NAT10: variants seen among roughly 807,000 people sequenced by gnomAD.
NAT10 encodes the protein RNA cytidine acetyltransferase.
Under a neutral mutation model 132.2 loss-of-function variants are expected in NAT10, and 109 were observed. That is an observed-to-expected ratio of 0.82 (90% CI 0.71 to 0.97). NAT10 has a LOEUF of 0.97. Ranked by LOEUF, NAT10 falls within the 50% of genes least tolerant of loss-of-function variation. NAT10 has a pLI of 0.00. For synonymous variants in NAT10, 479 were observed against 478.0 expected, an observed-to-expected ratio of 1.00 and a Z score of -0.03; for missense variants, 1,184 against 1,263.4, an observed-to-expected ratio of 0.94 and a Z score of 0.95.
intron 8 of NAT10, among the ~76,000 whole-genome samples, 170 bp from the exon 9 acceptor site, chr11:34,122,289 A>G (rs1467265439): frequency 6.6e-6 from 1 of 150,924 alleles, no homozygotes; most frequent in African/African-American, 2.4e-5. Flanking sequence ...CTGAAATGAG[A>G]TGACCAAGGG....
intron 3 of NAT10, 36 bp downstream of exon 3, chr11:34,108,869 C>T (rs564131534): frequency 3.9e-6 from 6 of 1,555,734 alleles, no homozygotes; most frequent in African/African-American, 2.8e-5. Flanking sequence ...ATCCAACTTA[C>T]AATTCCTGCT....
intron 27 of NAT10, among the ~76,000 whole-genome samples, chr11:34,142,587 A>T (rs568839170): frequency 8.9e-4 from 136 of 152,308 alleles, no homozygotes; most frequent in African/African-American, 3.2e-3. Flanking sequence ...CTGATCCCCA[A>T]GGCTCCAGGT....
intron 16 of NAT10, 94 bp from the exon 17 acceptor site, chr11:34,134,225 C>A: frequency 9.4e-7 from 1 of 1,066,474 alleles, no homozygotes; most frequent in Non-Finnish European, 1.5e-6. Context: ...GGGGTGGAAA[C>A]AACTGGCCTA....
At chr11:34,121,104 C>T (rs192936123) in intron 8 of NAT10, among the ~76,000 whole-genome samples, 310 of 152,244 alleles carry the variant, frequency 2.0e-3, no homozygotes, top group Middle Eastern at 6.8e-3. Flanking sequence ...AGGGCTTTCA[C>T]ACTTACTCTA....
In NAT10 at chr11:34,118,599, C is replaced by T. The variant is rs896540850; in HGVS notation, c.780+96C>T. The T allele has an allele frequency of 6.5e-6, 6 of 922,722 alleles. No homozygotes were observed. The African/African-American group carries it at 8.3e-5, about 13-fold the overall frequency. The allele number at this position is 922,722 out of a possible 1,614,324, so 57.2% of individuals were successfully genotyped here. A position where few individuals can be genotyped will look rare whatever the true frequency, so the allele number is the denominator to read the frequency against. The stretch of plus-strand genomic sequence containing the variant: ...AGGTACGTTGACTCAAGACCCAGAC[C>T]CTCCCTGGAGAAGGGGACTTTTCCC... On this transcript the variant is annotated intron_variant, in intron 8 of 28. Transcript: ENST00000257829.
At chr11:34,120,674 G>A (rs1270051873) in intron 8 of NAT10, among the ~76,000 whole-genome samples, 1 of 152,198 alleles carries the variant, frequency 6.6e-6, no homozygotes, top group African/African-American at 2.4e-5. Context: ...TAGACAAGAG[G>A]GATGCACCTG....
Position 34,112,160 on chromosome 11 carries a change from C to T in NAT10, c.309C>T (p.Arg103=). 1.9e-6 allele frequency: 3 copies of T among 1,614,252 alleles called. No homozygotes were observed. The highest frequency in any genetic ancestry group is 2.2e-5 in the East Asian group (1 of 44,890). The change falls in exon 4 of 29, where the codon CGC becomes CGT. Residue 103 remains arginine, a synonymous_variant. Transcript: ENST00000257829. ...TCTTCATAGCAGCCACAAACATTCGCTACTGCTACTACAACGAGACCCACA... is the reference window on the plus strand; with the variant it reads ...TCTTCATAGCAGCCACAAACATTCGTTACTGCTACTACAACGAGACCCACA... ...FELFIAATNI[R]YCYYNETHKI...
At chr11:34,131,357 T>C in intron 13 of NAT10, 24 bp from the exon 14 acceptor site, 3 of 1,586,152 alleles carry the variant, frequency 1.9e-6, no homozygotes, top group South Asian at 2.3e-5. Context: ...TTTCTTCTTT[T>C]GTGTGTGTGA....
intron 1 of NAT10, chr11:34,107,159 C>T (rs965199073): frequency 6.6e-6 from 1 of 152,048 alleles, no homozygotes; most frequent in East Asian, 1.9e-4. Context: ...TCAGCCTCTC[C>T]TGCAGCTCCA....
At chr11:34,134,291 T>C (rs1852165643) in intron 16 of NAT10, 28 bp from the exon 17 acceptor site, 4 of 1,599,152 alleles carry the variant, frequency 2.5e-6, no homozygotes, top group Middle Eastern at 1.7e-4. Flanking sequence ...TTGGCCTTTC[T>C]GCCTGCACTG....
chr11:34,141,449 CACGT>C (rs1410078468), intron 25 of NAT10, among the ~76,000 whole-genome samples: 138 of 149,530 alleles, frequency 9.2e-4, no homozygotes, highest in African/African-American at 3.3e-3. Context: ...CACACACACA[CACGT>C]GCGCGCGCAA....
chr11:34,117,217 A>G (rs553850012), intron 6 of NAT10, among the ~76,000 whole-genome samples: 15,496 of 152,156 alleles, frequency 0.1, 841 homozygotes, highest in African/African-American at 0.15. Context: ...AAAAAAATTT[A>G]TTTTTTTGAG....
At chr11:34,134,460 G>A (rs1191072574) in intron 17 of NAT10, 40 bp downstream of exon 17, 1 of 1,613,654 alleles carries the variant, frequency 6.2e-7, no homozygotes, top group Non-Finnish European at 8.5e-7. Context: ...GAAGCTGGTG[G>A]TGTCCAAAGA....
intron 12 of NAT10, among the ~76,000 whole-genome samples, chr11:34,129,028 T>C (rs1322804058): frequency 6.6e-6 from 1 of 152,262 alleles, no homozygotes; most frequent in African/African-American, 2.4e-5. Flanking sequence ...TACCACATTT[T>C]ATTTTTCCAT....
At chr11:34,134,286 C>T (rs1852165372) in intron 16 of NAT10, 33 bp from the exon 17 acceptor site, 1 of 1,589,484 alleles carries the variant, frequency 6.3e-7, no homozygotes, top group Admixed American at 1.7e-5. Context: ...CAGAGTTGGC[C>T]TTTCTGCCTG....
Position 34,112,144 on chromosome 11 carries a change from C to A in NAT10, c.293C>A (p.Ala98Glu), listed in dbSNP as rs748538256. 1.1e-5 allele frequency: 18 copies of A among 1,614,130 alleles called. No individual in the cohort carries two copies. The highest frequency in any genetic ancestry group is 2.2e-5 in the East Asian group (1 of 44,902). Reference sequence around the variant, plus strand: ...GACGACCCCTTTGAACTCTTCATAGCAGCCACAAACATTCGCTACTGCTAC... The same window carrying A: ...GACGACCCCTTTGAACTCTTCATAGAAGCCACAAACATTCGCTACTGCTAC... ...KQDDPFELFI[A>E]ATNIRYCYYN... The change falls in exon 4 of 29, where the codon GCA becomes GAA. Residue 98 changes from alanine to glutamate, a missense_variant. Ala to Glu is a moderately radical substitution (Grantham distance 107). Coordinates refer to ENST00000257829, the MANE Select transcript of NAT10 (RefSeq NM_024662.3).
chr11:34,115,811 T>C lies in NAT10; in HGVS notation c.496-12T>C. ...CATGCCTTTGTTAATGGATGTTGTC[T>C]TTCTTTGTTAGGATGTGCATTCCAG... On this transcript the variant is annotated splice_polypyrimidine_tract_variant and intron_variant, in intron 5 of 28. Transcript: ENST00000257829. The C allele has an allele frequency of 6.2e-7, 1 of 1,613,888 alleles. No individual in the cohort carries two copies. The highest frequency in any genetic ancestry group is 8.5e-7 in the Non-Finnish European group (1 of 1,179,886).
intron 6 of NAT10, among the ~76,000 whole-genome samples, chr11:34,116,400 G>A (rs988735824): frequency 3.3e-5 from 5 of 151,970 alleles, no homozygotes; most frequent in African/African-American, 1.2e-4. Flanking sequence ...AATTAAATTT[G>A]TATGTATTTA....
rs1851817866 is a variant in NAT10, at chr11:34,118,175, C to T, written c.558-5C>T. The T allele has an allele frequency of 6.2e-7, 1 of 1,609,936 alleles. No homozygotes were observed. Among genetic ancestry groups the T allele is most frequent in the Non-Finnish European group, 8.5e-7 (1 of 1,176,162 alleles). On this transcript the variant is annotated splice_polypyrimidine_tract_variant and splice_region_variant and intron_variant, in intron 6 of 28. Coordinates refer to ENST00000257829, the MANE Select transcript of NAT10 (RefSeq NM_024662.3). ...ACACTTCATTGCAGCGGTTTTGTATCTCAGGTTTATTCTGTCTCTGGCCTC... is the reference window on the plus strand; with the variant it reads ...ACACTTCATTGCAGCGGTTTTGTATTTCAGGTTTATTCTGTCTCTGGCCTC...
Sources: allele counts gnomAD v4.1 joint callset (sites outside exome capture counted in the v4.1 genomes callset), GRCh38; gene constraint gnomAD v4.1.1; transcripts MANE v1.5; gene names NCBI Gene and HGNC (gene_info 2026-07-23, HGNC 2026-07-21).